BRSK1: variants seen among roughly 807,000 people sequenced by gnomAD.
BRSK1 encodes the protein BR serine/threonine kinase 1.
Under a neutral mutation model 86.2 loss-of-function variants are expected in BRSK1, and 17 were observed. The ratio of observed to expected loss-of-function variants is 0.20; its 90% CI spans 0.14 to 0.30. The LOEUF (loss-of-function observed/expected upper bound fraction) is 0.30. BRSK1 is among the 10% of genes least tolerant of loss of function. The pLI is 1.00. For missense variants in BRSK1, 719 were observed against 1,071.9 expected (o/e 0.67, Z 4.60); for synonymous variants, 464 against 440.1 (o/e 1.05, Z -0.68).
At chr19:55,305,828 C>A (rs2088642663) in intron 16 of BRSK1, among the ~76,000 whole-genome samples, 1 of 152,184 alleles carries the variant, frequency 6.6e-6, no homozygotes, top group South Asian at 2.1e-4. Flanking sequence ...GTTCCCATTC[C>A]CCTACTGCGA....
intron 4 of BRSK1, among the ~76,000 whole-genome samples, chr19:55,289,973 A>G (rs2122939671): frequency 6.6e-6 from 1 of 152,174 alleles, no homozygotes; most frequent in Non-Finnish European, 1.5e-5. Flanking sequence ...ATGGAATCAT[A>G]CGATACATGG....
intron 17 of BRSK1, among the ~76,000 whole-genome samples, chr19:55,307,747 TACACACACACACACACAC>T (rs68176323): frequency 2.8e-4 from 25 of 88,126 alleles, no homozygotes; most frequent in Admixed American, 1.2e-3. Flanking sequence ...AAAAAATTTA[TACACACACACACACACAC>T]ACACACACAC....
chr19:55,299,307 C>G (rs2088535483), intron 7 of BRSK1, among the ~76,000 whole-genome samples: 1 of 152,134 alleles, frequency 6.6e-6, no homozygotes, highest in South Asian at 2.1e-4. Context: ...TTTGCAGTGA[C>G]TTTATAGAAC....
chr19:55,284,611 G>A, intron 1 of BRSK1, 33 bp downstream of exon 1: 1 of 1,269,930 alleles, frequency 7.9e-7, no homozygotes, highest in South Asian at 3.1e-5. Context: ...CCTGGGGCGG[G>A]GGGCAGGGTG....
chr19:55,284,498 A>ACCCCCCCCCCCCCCC lies in BRSK1; in HGVS notation c.61_62insCCCCCCCCCCCCCCC (p.Pro20_His21insProProProProPro). ...GGCTCTCCCGCCTACCACCTCCCCC[A>ACCCCCCCCCCCCCCC]CCCCCACCCCCACCCACCCCAGCAC... On this transcript the variant is annotated inframe_insertion, in exon 1 of 19. Transcript: ENST00000309383. The ACCCCCCCCCCCCCCC allele has an allele frequency of 4.5e-5, 18 of 403,734 alleles. No homozygotes were observed. The highest frequency in any genetic ancestry group is 6.8e-5 in the Non-Finnish European group (17 of 251,852). The allele number at this position is 403,734 out of a possible 1,614,324, so 25.0% of individuals were successfully genotyped here. A position where few individuals can be genotyped will look rare whatever the true frequency, so the allele number is the denominator to read the frequency against.
In BRSK1 at chr19:55,287,447, C is replaced by CA; in HGVS notation, c.317+149dup. 1.4e-6 allele frequency: 1 copy of CA among 724,852 alleles called. No individual in the cohort carries two copies. Among genetic ancestry groups the CA allele is most frequent in the East Asian group, 2.7e-5 (1 of 37,266 alleles). The allele number at this position is 724,852 out of a possible 1,614,324, so 44.9% of individuals were successfully genotyped here. A position where few individuals can be genotyped will look rare whatever the true frequency, so the allele number is the denominator to read the frequency against. ...TGAAGGCCCAGTTCCTTGCCTGTTG[C>CA]ACAGGGAAGCCCCTGACACACAGGG... is the stretch of plus-strand genomic sequence containing the variant. On this transcript the variant is annotated intron_variant, in intron 3 of 18. Transcript: ENST00000309383. The surrounding 1 kb of genome is among the most constrained non-coding windows in gnomAD (Gnocchi z 5.3).
chr19:55,290,682 C>T (rs1370292818), intron 4 of BRSK1, among the ~76,000 whole-genome samples: 3 of 151,340 alleles, frequency 2.0e-5, no homozygotes, highest in Non-Finnish European at 2.9e-5. Context: ...TGCTCTGTCA[C>T]CCAGGCTGGA....
At chr19:55,298,188 A>C (rs1402666797) in intron 7 of BRSK1, among the ~76,000 whole-genome samples, 2 of 57,694 alleles carry the variant, frequency 3.5e-5, no homozygotes, top group East Asian at 5.1e-4. Flanking sequence ...TTAGTAGTTT[A>C]TTCTTTTTTT....
chr19:55,291,219 G>T (rs541022777), intron 4 of BRSK1, among the ~76,000 whole-genome samples: 2 of 152,160 alleles, frequency 1.3e-5, no homozygotes, highest in East Asian at 3.9e-4. Context: ...GAGCCACTGC[G>T]CCTGGCCTAT....
chr19:55,290,930 C>T (rs537582812), intron 4 of BRSK1, among the ~76,000 whole-genome samples: 32 of 151,700 alleles, frequency 2.1e-4, no homozygotes, highest in Non-Finnish European at 4.1e-4. Flanking sequence ...CATGAGCCAC[C>T]GCGCCCGGCC....
rs1301025307 is a variant in BRSK1, at chr19:55,311,913, G to A, written c.2182G>A (p.Glu728Lys). The A allele has an allele frequency of 1.9e-6, 3 of 1,611,178 alleles. No homozygotes were observed. Among genetic ancestry groups the A allele is most frequent in the Non-Finnish European group, 2.5e-6 (3 of 1,178,912 alleles). Reference sequence around the variant, plus strand: ...AAAAACCTCTTCCTCCCTTGCAGACGAGAAGAACGGGGCCCAGACCCGGCC... The same window carrying A: ...AAAAACCTCTTCCTCCCTTGCAGACAAGAAGAACGGGGCCCAGACCCGGCC... ...DQPSVQALAD[E>K]KNGAQTRPAG... The change falls in exon 19 of 19, where the codon GAG (glutamate) becomes AAG (lysine). Residue 728 changes from glutamate (E) to lysine (K), a missense_variant and splice_region_variant. By Grantham distance (56) the Glu-to-Lys change is moderately conservative. Around this residue, in one of 6 missense-constraint regions of BRSK1, gnomAD observed 180 missense variants for 259.4 expected, o/e 0.69. Coordinates refer to ENST00000309383, the MANE Select transcript of BRSK1 (RefSeq NM_032430.2).
In BRSK1 at chr19:55,304,793, GA is replaced by G. The variant is rs764398262; in HGVS notation, c.1591del (p.Thr531ProfsTer52). 1 of 1,566,748 alleles carries G rather than the reference GA, an allele frequency of 6.4e-7. No individual in the cohort carries two copies. The highest frequency in any genetic ancestry group is 8.6e-7 in the Non-Finnish European group (1 of 1,160,366). On this transcript the variant is annotated frameshift_variant, in exon 14 of 19. Transcript: ENST00000309383. LOFTEE classifies it high-confidence loss of function. This position sits in a 1 kb window ranked among gnomAD's most constrained non-coding sequence, Gnocchi z 5.2. ...ACACGCCCCGGGCCAGTCCCACCGG[GA>G]CCCCGGGGACAACACCACCCCCCAG... The part of the protein sequence containing the change: ...LHTPRASPTG[T>X]PGTTPPPSPG...
intron 14 of BRSK1, 119 bp downstream of exon 14, chr19:55,305,039 C>A: frequency 2.1e-6 from 3 of 1,445,340 alleles, no homozygotes; most frequent in Non-Finnish European, 2.8e-6. Context: ...TGGATTCCCA[C>A]GTTCTAGAGA....
rs1032352949 is a variant in BRSK1, at chr19:55,302,481, G to A, written c.858-216G>A. ...TGGGTCTGAAGAAGGAGGGGCCGGG[G>A]GCCTGGACCCCTCGGTCGGAGGGAA... On this transcript the variant is annotated intron_variant, in intron 9 of 18. Coordinates refer to ENST00000309383, the MANE Select transcript of BRSK1 (RefSeq NM_032430.2). This position sits in a 1 kb window ranked among gnomAD's most constrained non-coding sequence, Gnocchi z 6.3. The A allele has an allele frequency of 1.5e-6, 1 of 649,394 alleles. No homozygotes were observed. The allele number at this position is 649,394 out of a possible 1,614,324, so 40.2% of individuals were successfully genotyped here. A position where few individuals can be genotyped will look rare whatever the true frequency, so the allele number is the denominator to read the frequency against.
At position 55,310,910 on chromosome 19, in the gene BRSK1, G is replaced by C. The variant is rs985289916; in HGVS notation, c.2180-1001G>C. Among the ~76,000 whole-genome samples, 1 of 152,076 alleles carries C rather than the reference G, an allele frequency of 6.6e-6. No individual in the cohort carries two copies. ...ACCATCTCATAAAGGAGAATGGGGTGGGGGGTGCAGGCCTCCGAGTCACCG... is the reference window on the plus strand; with the variant it reads ...ACCATCTCATAAAGGAGAATGGGGTCGGGGGTGCAGGCCTCCGAGTCACCG... On this transcript the variant is annotated intron_variant, in intron 18 of 18. Transcript: ENST00000309383. The surrounding 1 kb of genome is among the most constrained non-coding windows in gnomAD (Gnocchi z 5.0).
chr19:55,293,905 T>A (rs887427327), intron 4 of BRSK1, 112 bp from the exon 5 acceptor site: 2 of 804,114 alleles, frequency 2.5e-6, no homozygotes, highest in Admixed American at 5.2e-5. Context: ...TGGTCTCTCA[T>A]CCCCTAAAAA....
chr19:55,288,213 GCTCATGCCTGTAAT>G (rs1409949483), intron 3 of BRSK1, among the ~76,000 whole-genome samples: 7 of 152,116 alleles, frequency 4.6e-5, no homozygotes, highest in African/African-American at 1.7e-4. Flanking sequence ...AGGCGCGGTG[GCTCATGCCTGTAAT>G]CTCAACACTT....
chr19:55,308,792 GT>G (rs2088713342), intron 18 of BRSK1, 64 bp downstream of exon 18: 14 of 243,912 alleles, frequency 5.7e-5, no homozygotes, highest in South Asian at 2.4e-4. Context: ...GGCGGGGGGC[GT>G]GGGTGGCGGG....
chr19:55,305,693 A>ATGGGATTTGTAGT (rs2088640147), intron 16 of BRSK1, 107 bp downstream of exon 16: 2 of 1,516,338 alleles, frequency 1.3e-6, no homozygotes, highest in Non-Finnish European at 1.8e-6. Flanking sequence ...CCTGGGGCTC[A>ATGGGATTTGTAGT]TGGGATTTGT....
Sources: allele counts gnomAD v4.1 joint callset (sites outside exome capture counted in the v4.1 genomes callset), GRCh38; gene constraint gnomAD v4.1.1; regional missense constraint gnomAD v4.1.1; non-coding constraint Gnocchi (gnomAD v3.1); transcripts MANE v1.5; gene names NCBI Gene and HGNC (gene_info 2026-07-23, HGNC 2026-07-21).